Variants in NLGN1 observed in about 807,000 individuals in gnomAD.
The protein encoded by NLGN1 is neuroligin-1.
In NLGN1, 12 loss-of-function variants were observed where a neutral mutation model predicts 65.5. The observed-to-expected ratio is 0.18, with a 90% CI of 0.12 to 0.30. NLGN1 has a LOEUF of 0.30. NLGN1 is among the 10% of genes least tolerant of loss of function. The probability of loss-of-function intolerance (pLI) is 1.00; values close to 1 mark genes in which losing one functional copy is unlikely to be tolerated. For synonymous variants in NLGN1, 350 were observed against 359.5 expected (o/e 0.97, Z 0.30); for missense variants, 750 against 1,007.1 (o/e 0.74, Z 3.46).
intron 4 of NLGN1, among the ~76,000 whole-genome samples, chr3:173,909,368 T>C (rs1017010860): frequency 6.6e-6 from 1 of 152,176 alleles, no homozygotes; most frequent in African/African-American, 2.4e-5. Flanking sequence ...ATCATAGGAC[T>C]TTCCCAAACA....
Position 174,058,909 on chromosome 3 carries a change from G to A in NLGN1, c.647-216406G>A, listed in dbSNP as rs116830248. 6.3e-3 allele frequency among the ~76,000 whole-genome samples: 957 copies of A among 152,120 alleles called. 23 individuals carry two copies. Among genetic ancestry groups the A allele is most frequent in the East Asian group, 0.037 (192 of 5,164 alleles). On this transcript the variant is annotated intron_variant, in intron 4 of 6. Transcript: ENST00000457714. ...CCAAAGGTTCAGCATTTCCTTGGGC[G>A]GGATCTTGAGAACTCAAAGCAAATG... is the stretch of plus-strand genomic sequence containing the variant.
chr3:173,610,574 A>C (rs543401700), intron 3 of NLGN1, among the ~76,000 whole-genome samples: 1 of 152,052 alleles, frequency 6.6e-6, no homozygotes, highest in South Asian at 2.1e-4. Flanking sequence ...ATTTATAGGA[A>C]CATTCCAACA....
intron 4 of NLGN1, among the ~76,000 whole-genome samples, chr3:173,977,425 G>A (rs961712879): frequency 6.6e-6 from 1 of 152,012 alleles, no homozygotes; most frequent in African/African-American, 2.4e-5. Flanking sequence ...AGTACAAAAA[G>A]TGAAGGGCAA....
chr3:173,415,106 G>T (rs746072976), intron 1 of NLGN1, among the ~76,000 whole-genome samples: 7 of 152,180 alleles, frequency 4.6e-5, no homozygotes, highest in African/African-American at 1.7e-4. Flanking sequence ...TTTGAAAACC[G>T]CATTTGTTTT....
chr3:174,169,285 G>T (rs1728092067), intron 4 of NLGN1, among the ~76,000 whole-genome samples: 1 of 152,138 alleles, frequency 6.6e-6, no homozygotes, highest in African/African-American at 2.4e-5. Flanking sequence ...GAATGCCAGA[G>T]GATCTGCCTG....
intron 2 of NLGN1, among the ~76,000 whole-genome samples, chr3:173,488,984 A>C (rs1338107978): frequency 6.6e-6 from 1 of 151,468 alleles, no homozygotes; most frequent in African/African-American, 2.4e-5. Context: ...CATTTCACTA[A>C]TATCTCCTCA....
At chr3:174,048,691 G>C (rs1281699822) in intron 4 of NLGN1, among the ~76,000 whole-genome samples, 3 of 151,824 alleles carry the variant, frequency 2.0e-5, no homozygotes, top group African/African-American at 7.3e-5. Context: ...AGGTGACAGA[G>C]AAATACAGAA....
chr3:173,425,814 G>A (rs1439104072), intron 1 of NLGN1, among the ~76,000 whole-genome samples: 1 of 151,570 alleles, frequency 6.6e-6, no homozygotes, highest in African/African-American at 2.4e-5. Flanking sequence ...TGACTATTTG[G>A]GGTTCTTTGT....
intron 4 of NLGN1, among the ~76,000 whole-genome samples, chr3:174,190,344 A>C (rs770137497): frequency 3.4e-4 from 51 of 152,188 alleles, no homozygotes; most frequent in Middle Eastern, 3.4e-3. Context: ...ATCGCAAAAC[A>C]GTTTTAGGAA....
At chr3:173,579,076 G>C (rs1330460086) in intron 2 of NLGN1, among the ~76,000 whole-genome samples, 1 of 152,148 alleles carries the variant, frequency 6.6e-6, no homozygotes, top group Non-Finnish European at 1.5e-5. Context: ...TGAAAATCTG[G>C]ATTTATTTCT....
chr3:173,910,285 C>A (rs1739321492), intron 4 of NLGN1, among the ~76,000 whole-genome samples: 1 of 152,150 alleles, frequency 6.6e-6, no homozygotes, highest in African/African-American at 2.4e-5. Flanking sequence ...CCTTTTGATG[C>A]TGCTGCTTGT....
chr3:174,058,549 G>A (rs564648882), intron 4 of NLGN1, among the ~76,000 whole-genome samples: 16 of 151,910 alleles, frequency 1.1e-4, no homozygotes, highest in African/African-American at 3.4e-4. Context: ...GTAGATACTC[G>A]TATACATTTG....
chr3:174,145,420 GGAGA>G (rs1420128972), intron 4 of NLGN1, among the ~76,000 whole-genome samples: 1 of 152,154 alleles, frequency 6.6e-6, no homozygotes, highest in Non-Finnish European at 1.5e-5. Context: ...GGCTGAGGCA[GGAGA>G]ATTGCTTGAA....
chr3:173,977,193 A>G (rs1243751646), intron 4 of NLGN1, among the ~76,000 whole-genome samples: 1 of 151,960 alleles, frequency 6.6e-6, no homozygotes, highest in Non-Finnish European at 1.5e-5. Context: ...ATGTGAACCT[A>G]TGATAGGAAT....
intron 4 of NLGN1, among the ~76,000 whole-genome samples, chr3:173,852,019 A>G (rs1560494167): frequency 6.6e-6 from 1 of 151,988 alleles, no homozygotes; most frequent in African/African-American, 2.4e-5. Context: ...AATTTGAGGA[A>G]CCTCTTTAAG....
intron 1 of NLGN1, among the ~76,000 whole-genome samples, chr3:173,410,720 A>G (rs531595461): frequency 1.3e-5 from 2 of 152,218 alleles, no homozygotes; most frequent in Non-Finnish European, 2.9e-5. Context: ...TTTTCTATAC[A>G]TGTTTAAATC....
At chr3:173,813,052 C>A (rs565690222) in intron 4 of NLGN1, among the ~76,000 whole-genome samples, 1 of 150,952 alleles carries the variant, frequency 6.6e-6, no homozygotes, top group African/African-American at 2.4e-5. Context: ...GAAAACAGAA[C>A]GAGAGAAAAG....
chr3:174,276,266 C>T (rs1463875823), intron 5 of NLGN1, among the ~76,000 whole-genome samples: 1 of 151,730 alleles, frequency 6.6e-6, no homozygotes, highest in Non-Finnish European at 1.5e-5. Context: ...CCTGTCTGTC[C>T]AAGGCTTACC....
intron 3 of NLGN1, among the ~76,000 whole-genome samples, chr3:173,657,483 AT>A (rs911075691): frequency 6.6e-6 from 1 of 151,474 alleles, no homozygotes; most frequent in Non-Finnish European, 1.5e-5. Context: ...TTATTGTGAG[AT>A]TTTTTCCTCT....
Sources: gnomAD v4.1 joint callset for allele counts (sites outside exome capture counted in the v4.1 genomes callset) on GRCh38, gnomAD v4.1.1 for gene constraint, MANE v1.5 for transcripts, NCBI Gene and HGNC (gene_info 2026-07-23, HGNC 2026-07-21) for gene names.